MYO3A: variants seen among roughly 807,000 people sequenced by gnomAD.
MYO3A encodes myosin-IIIa.
In MYO3A, 180 loss-of-function variants were observed where a neutral mutation model predicts 192.7. That is an observed-to-expected ratio of 0.93 (90% confidence interval 0.83 to 1.06). The LOEUF is 1.06. MYO3A is among the 50% of genes least tolerant of loss of function. The pLI is 0.00. For missense variants in MYO3A, 1,896 were observed against 1,905.0 expected, an observed-to-expected ratio of 1.00 and a Z score of 0.09; for synonymous variants, 628 against 645.3, an observed-to-expected ratio of 0.97 and a Z score of 0.41.
intron 34 of MYO3A, 45 bp from the exon 35 acceptor site, chr10:26,211,798 T>C (rs1017197030): frequency 6.2e-7 from 1 of 1,612,176 alleles, no homozygotes; most frequent in African/African-American, 1.3e-5. Flanking sequence ...GACGCGCTGC[T>C]CACTGTGGTG....
intron 4 of MYO3A, among the ~76,000 whole-genome samples, chr10:25,963,947 A>G (rs1402003578): frequency 6.6e-6 from 1 of 152,188 alleles, no homozygotes; most frequent in Non-Finnish European, 1.5e-5. Context: ...GCACATTTAT[A>G]GTGTTACTTC....
At chr10:25,939,668 T>C (rs541944694) in intron 2 of MYO3A, among the ~76,000 whole-genome samples, 11 of 151,912 alleles carry the variant, frequency 7.2e-5, no homozygotes, top group Non-Finnish European at 1.6e-4. Flanking sequence ...ATTGCAATCA[T>C]ACGTGCTCAG....
intron 20 of MYO3A, among the ~76,000 whole-genome samples, chr10:26,142,896 T>C (rs1840243414): frequency 6.6e-6 from 1 of 152,228 alleles, no homozygotes; most frequent in South Asian, 2.1e-4. Context: ...CATATTTTCC[T>C]ACATCTTGAA....
intron 32 of MYO3A, among the ~76,000 whole-genome samples, chr10:26,194,153 T>G (rs1207504772): frequency 2.0e-5 from 3 of 152,190 alleles, no homozygotes; most frequent in Non-Finnish European, 4.4e-5. Context: ...TATTAATCAT[T>G]TCCCACTGTG....
rs747023269 is a variant in MYO3A at position 26,157,462 on chromosome 10, AAT to A, written c.2947_2948del (p.Ile983SerfsTer13). ...RYTGILETAR[I>X]RRLGFSHRIL... ...ACACAGGAATTCTGGAAACAGCAAG[AAT>A]TCGAAGACTAGGATTCTCCCATCGG... On this transcript the variant is annotated frameshift_variant, in exon 26 of 35. Transcript: ENST00000642920. LOFTEE classifies it high-confidence loss of function. 6.2e-7 allele frequency: 1 copy of A among 1,614,080 alleles called. No individual in the cohort carries two copies. Among genetic ancestry groups the A allele is most frequent in the Non-Finnish European group, 8.5e-7 (1 of 1,180,020 alleles).
intron 10 of MYO3A, among the ~76,000 whole-genome samples, chr10:26,038,432 C>G (rs1055494857): frequency 6.6e-6 from 1 of 152,018 alleles, no homozygotes; most frequent in Non-Finnish European, 1.5e-5. Flanking sequence ...TGGTTAATTC[C>G]TAGGCATTTT....
At chr10:26,191,112 CTT>C (rs1843104557) in intron 31 of MYO3A, among the ~76,000 whole-genome samples, 2 of 152,116 alleles carry the variant, frequency 1.3e-5, no homozygotes, top group Admixed American at 6.6e-5. Context: ...TATCTAATAA[CTT>C]ATACCATATT....
intron 10 of MYO3A, among the ~76,000 whole-genome samples, chr10:26,031,025 T>G (rs890457941): frequency 6.6e-6 from 1 of 152,216 alleles, no homozygotes; most frequent in African/African-American, 2.4e-5. Flanking sequence ...CAGACTAAAT[T>G]GGGAGAAACT....
intron 34 of MYO3A, chr10:26,204,636 CAA>C (rs1357150616): frequency 6.6e-6 from 1 of 152,194 alleles, no homozygotes; most frequent in Non-Finnish European, 1.5e-5. Context: ...TTAGTGACTG[CAA>C]AGAGTCACCT....
intron 19 of MYO3A, among the ~76,000 whole-genome samples, chr10:26,126,548 T>C (rs994247425): frequency 3.3e-5 from 5 of 152,154 alleles, no homozygotes; most frequent in African/African-American, 1.2e-4. Flanking sequence ...ATCTATACCA[T>C]TTTCCCATTA....
chr10:26,104,644 T>G (rs1837678510), intron 17 of MYO3A, among the ~76,000 whole-genome samples: 1 of 152,042 alleles, frequency 6.6e-6, no homozygotes, highest in Admixed American at 6.6e-5. Context: ...TTAAAATTTT[T>G]TTTGGCTTTT....
At chr10:26,120,168 GA>G (rs113716541) in intron 17 of MYO3A, among the ~76,000 whole-genome samples, 14,820 of 146,096 alleles carry the variant, frequency 0.1, 795 homozygotes, top group Non-Finnish European at 0.12. Context: ...TCTCAAAAAA[GA>G]AAAAAAAAAA....
At chr10:26,067,754 C>G (rs1157927743) in intron 11 of MYO3A, among the ~76,000 whole-genome samples, 1 of 152,182 alleles carries the variant, frequency 6.6e-6, no homozygotes, top group Non-Finnish European at 1.5e-5. Flanking sequence ...CTTCTTTGTT[C>G]CACGTAGTCA....
chr10:26,201,120 A>C (rs1843655761), intron 32 of MYO3A, 145 bp from the exon 33 acceptor site: 1 of 342,110 alleles, frequency 2.9e-6, no homozygotes, highest in African/African-American at 2.2e-5. Flanking sequence ...TATTTCTTTA[A>C]ATTTTTAAAA....
chr10:26,049,661 CTTTCTTTCTTTCTTT>C (rs1378809665), intron 10 of MYO3A, among the ~76,000 whole-genome samples: 316 of 104,468 alleles, frequency 3.0e-3, no homozygotes, highest in African/African-American at 8.3e-3. Context: ...TTCTTTCTTT[CTTTCTTTCTTTCTTT>C]TTTTTTTTTT....
chr10:25,943,633 T>G (rs1269308020), intron 2 of MYO3A, among the ~76,000 whole-genome samples: 2 of 152,242 alleles, frequency 1.3e-5, no homozygotes, highest in African/African-American at 4.8e-5. Flanking sequence ...TTCTTTTTGA[T>G]TCTATTGTAG....
intron 10 of MYO3A, among the ~76,000 whole-genome samples, chr10:26,037,786 A>T (rs1288582677): frequency 6.6e-6 from 1 of 151,950 alleles, no homozygotes. Context: ...AAAGGGAAGC[A>T]AGCACATCTT....
At chr10:26,034,256 C>A (rs143707712) in intron 10 of MYO3A, among the ~76,000 whole-genome samples, 34 of 152,242 alleles carry the variant, frequency 2.2e-4, no homozygotes, top group Admixed American at 1.0e-3. Context: ...GTTTAATGAT[C>A]ATCTATCTCT....
intron 14 of MYO3A, among the ~76,000 whole-genome samples, chr10:26,083,803 A>G (rs991213919): frequency 1.3e-5 from 2 of 152,212 alleles, no homozygotes. Context: ...CTCAACGTAA[A>G]GAAACTTATT....
Sources: allele counts gnomAD v4.1 joint callset (sites outside exome capture counted in the v4.1 genomes callset), GRCh38; gene constraint gnomAD v4.1.1; transcripts MANE v1.5; gene names NCBI Gene and HGNC (gene_info 2026-07-23, HGNC 2026-07-21).